The following KLF17 variants were observed in gnomAD, a reference collection of about 807,000 sequenced individuals.
The protein encoded by KLF17 is KLF transcription factor 17.
KLF17 carries 31 observed loss-of-function variants against 34.2 expected under a neutral mutation model. That is an observed-to-expected ratio of 0.91 (90% CI 0.68 to 1.22). The LOEUF (loss-of-function observed/expected upper bound fraction) is 1.22, where lower values mean the gene tolerates loss of function less well. Ranked by LOEUF, KLF17 falls within the 50% of genes most tolerant of loss-of-function variation. The pLI is 0.00. For missense variants in KLF17, 478 were observed against 505.2 expected, an observed-to-expected ratio of 0.95 and a Z score of 0.52; for synonymous variants, 179 against 186.7, an observed-to-expected ratio of 0.96 and a Z score of 0.34.
At chr1:44,083,182 A>G in the KLF17 span, among the ~76,000 whole-genome samples, 165 of 151,938 alleles carry the variant, frequency 1.1e-3, no homozygotes, top group East Asian at 7.7e-3. Flanking sequence ...TCCTGGGCTC[A>G]AGCAAGCCTT....
chr1:44,078,707 A>T, the KLF17 span, among the ~76,000 whole-genome samples: 3 of 152,216 alleles, frequency 2.0e-5, no homozygotes, highest in African/African-American at 7.2e-5. Context: ...AAGTACTGGG[A>T]TTACAGACAC....
the KLF17 span, among the ~76,000 whole-genome samples, chr1:44,070,357 C>T: frequency 1.3e-4 from 20 of 152,174 alleles, no homozygotes; most frequent in East Asian, 3.5e-3. Flanking sequence ...ACCCTCTCGC[C>T]CTTCCGAATT....
At chr1:44,099,822 AAAAGAAG>A in the KLF17 span, among the ~76,000 whole-genome samples, 1 of 130,498 alleles carries the variant, frequency 7.7e-6, no homozygotes, top group East Asian at 2.2e-4. Context: ...CTCAGAAAGA[AAAAGAAG>A]AAAGAAAGAA....
At chr1:44,076,819 G>A in the KLF17 span, 10,224 of 150,870 alleles carry the variant, frequency 0.068, 507 homozygotes, top group East Asian at 0.23. Context: ...CGAACTCCTG[G>A]GCTCAAGCAA....
the KLF17 span, among the ~76,000 whole-genome samples, chr1:44,095,101 C>T: frequency 6.6e-6 from 1 of 151,744 alleles, no homozygotes. Context: ...CTGGGTTTCA[C>T]TGTGTTAGCC....
the KLF17 span, among the ~76,000 whole-genome samples, chr1:44,109,897 CTTTTTTT>C: frequency 5.2e-5 from 4 of 77,186 alleles, no homozygotes; most frequent in Admixed American, 1.8e-4. Flanking sequence ...CTTTTTTATA[CTTTTTTT>C]TTTTTTTTTT....
chr1:44,093,243 T>C, the KLF17 span, among the ~76,000 whole-genome samples: 1 of 133,640 alleles, frequency 7.5e-6, no homozygotes, highest in Non-Finnish European at 1.7e-5. Flanking sequence ...GGCAATAGAG[T>C]AACAGGGGGA....
At chr1:44,099,861 GAAAGAAAGAAA>G in the KLF17 span, among the ~76,000 whole-genome samples, 1 of 100,712 alleles carries the variant, frequency 9.9e-6, no homozygotes, top group Non-Finnish European at 2.0e-5. Flanking sequence ...AAGAAAGAAA[GAAAGAAAGAAA>G]GAAAGAAAGA....
chr1:44,054,802 C>T, the KLF17 span, among the ~76,000 whole-genome samples: 32 of 97,658 alleles, frequency 3.3e-4, no homozygotes, highest in East Asian at 6.7e-4. Context: ...TTTTTTGAGA[C>T]GGAGTCTTAC....
At chr1:44,057,831 G>A in the KLF17 span, among the ~76,000 whole-genome samples, 2 of 152,160 alleles carry the variant, frequency 1.3e-5, no homozygotes, top group Admixed American at 6.5e-5. Flanking sequence ...ACTTTATGCC[G>A]GTAATGACCC....
intron 1 of KLF17, among the ~76,000 whole-genome samples, 191 bp downstream of exon 1, chr1:44,119,179 G>A (rs1225198247): frequency 6.6e-6 from 1 of 150,908 alleles, no homozygotes; most frequent in African/African-American, 2.4e-5. Flanking sequence ...GGAGATTGGG[G>A]AGGGGTTGCA....
At chr1:44,077,033 C>G in the KLF17 span, among the ~76,000 whole-genome samples, 8 of 150,670 alleles carry the variant, frequency 5.3e-5, no homozygotes, top group African/African-American at 1.5e-4. Context: ...CTGCACCCAG[C>G]CTTTTTCTTT....
chr1:44,044,754 C>T, the KLF17 span: 1 of 152,302 alleles, frequency 6.6e-6, no homozygotes. Flanking sequence ...ACATGGGGTA[C>T]CTGGGTAATA....
At chr1:44,101,539 G>C in the KLF17 span, 1 of 152,052 alleles carries the variant, frequency 6.6e-6, no homozygotes, top group Non-Finnish European at 1.5e-5. Flanking sequence ...TGATTAATTC[G>C]AGTTATGCAT....
At chr1:44,048,046 G>A in the KLF17 span, 1 of 151,962 alleles carries the variant, frequency 6.6e-6, no homozygotes. Context: ...GTGTGCACGT[G>A]CACGCACGTA....
At chr1:44,054,478 CTTTTTTTT>C in the KLF17 span, among the ~76,000 whole-genome samples, 4 of 100,202 alleles carry the variant, frequency 4.0e-5, no homozygotes, top group Non-Finnish European at 7.4e-5. Flanking sequence ...ATCAGTGTGC[CTTTTTTTT>C]TTTTTTTTTT....
chr1:44,123,521 T>C (rs1405583855), intron 1 of KLF17, among the ~76,000 whole-genome samples: 1 of 152,228 alleles, frequency 6.6e-6, no homozygotes, highest in Admixed American at 6.5e-5. Context: ...TTTCCTTAGT[T>C]GATCTAGCTA....
In KLF17 at chr1:44,129,793, C is replaced by T; in HGVS notation, c.522C>T (p.Asn174=). ...TCCCAATAATGTCCCACACTGGGAA[C>T]CCTCCAGTGCCTTACCCTGGCCTCT... ...TGIPIMSHTG[N]PPVPYPGLST... The change falls in exon 2 of 4, where the codon AAC becomes AAT. Residue 174 remains asparagine, a synonymous_variant. Coordinates refer to ENST00000372299, the MANE Select transcript of KLF17 (RefSeq NM_173484.4). 1 of 1,614,146 alleles carries T rather than the reference C, an allele frequency of 6.2e-7. No individual in the cohort carries two copies. Among genetic ancestry groups the T allele is most frequent in the Non-Finnish European group, 8.5e-7 (1 of 1,180,020 alleles).
the KLF17 span, among the ~76,000 whole-genome samples, chr1:44,080,757 C>A: frequency 7.2e-6 from 1 of 139,136 alleles, no homozygotes; most frequent in African/African-American, 2.9e-5. Flanking sequence ...TTCTGTTACC[C>A]AGGCTGGAGT....
Sources: allele counts gnomAD v4.1 joint callset (sites outside exome capture counted in the v4.1 genomes callset), GRCh38; gene constraint gnomAD v4.1.1; transcripts MANE v1.5; gene names NCBI Gene and HGNC (gene_info 2026-07-23, HGNC 2026-07-21).